LGSN: variants seen among roughly 807,000 people sequenced by gnomAD.
LGSN encodes the protein lengsin.
In LGSN, 21 loss-of-function variants were observed where a neutral mutation model predicts 19.5. That is an observed-to-expected ratio of 1.07 (90% CI 0.76 to 1.55). The LOEUF is 1.55. Among genes scored for constraint, LGSN ranks in the 40% most tolerant of loss-of-function variants. The probability of loss-of-function intolerance (pLI) is 0.00; values close to 1 mark genes in which losing one functional copy is unlikely to be tolerated. For missense variants in LGSN, 673 were observed against 608.5 expected (o/e 1.11, Z -1.12); for synonymous variants, 257 against 215.6 (o/e 1.19, Z -1.68).
At position 63,276,425 on chromosome 6, in the gene LGSN, T is replaced by A. The variant is rs190437110; in HGVS notation, c.*3596A>T. ...TGTTTTAATTTCTAGTCTTAAAATA[T>A]TATCGCTTTTAATTTACATTTCTTA... On this transcript the variant is annotated 3_prime_UTR_variant, in exon 4 of 4. Coordinates refer to ENST00000370657, the MANE Select transcript of LGSN (RefSeq NM_016571.3). 2 of 152,342 alleles carry A rather than the reference T, an allele frequency of 1.3e-5. No individual in the cohort carries two copies. The highest frequency in any genetic ancestry group is 2.9e-5 in the Non-Finnish European group (2 of 68,022). 9.4% of individuals were successfully genotyped at this position (152,342 alleles called of 1,614,324 possible). A position where few individuals can be genotyped will look rare whatever the true frequency, so the allele number is the denominator to read the frequency against.
chr6:63,468,574 C>T, the LGSN span, among the ~76,000 whole-genome samples: 83 of 145,550 alleles, frequency 5.7e-4, no homozygotes, highest in South Asian at 4.7e-3. Context: ...ATTACAGGTG[C>T]GTGCCACCAC....
chr6:63,323,582 A>ACACACACACACACACACACG (rs1769146015), upstream of LGSN, among the ~76,000 whole-genome samples: 4 of 150,810 alleles, frequency 2.7e-5, no homozygotes, highest in Admixed American at 6.6e-5. Flanking sequence ...ACACACACAC[A>ACACACACACACACACACACG]CACACACACA....
At chr6:63,515,916 C>T in the LGSN span, among the ~76,000 whole-genome samples, 1 of 152,184 alleles carries the variant, frequency 6.6e-6, no homozygotes, top group Admixed American at 6.5e-5. Context: ...AAATGTAATA[C>T]TTTCCAAATA....
At chr6:63,570,741 C>T in the LGSN span, among the ~76,000 whole-genome samples, 9 of 152,196 alleles carry the variant, frequency 5.9e-5, no homozygotes, top group Non-Finnish European at 1.2e-4. Context: ...GAGTGGCTGA[C>T]TGAATATGTG....
chr6:63,303,923 A>G (rs1272943670), intron 1 of LGSN, among the ~76,000 whole-genome samples: 1 of 152,198 alleles, frequency 6.6e-6, no homozygotes, highest in Non-Finnish European at 1.5e-5. Flanking sequence ...AGCAGATGGC[A>G]TCCTAGACAT....
the LGSN span, among the ~76,000 whole-genome samples, chr6:63,532,937 A>C: frequency 6.6e-6 from 1 of 152,204 alleles, no homozygotes. Context: ...GGTATTACAT[A>C]CCCGATGTGA....
the LGSN span, among the ~76,000 whole-genome samples, chr6:63,343,735 T>C: frequency 6.6e-6 from 1 of 152,344 alleles, no homozygotes; most frequent in East Asian, 1.9e-4. Context: ...GGGATTTTGC[T>C]AATGCAACTA....
chr6:63,549,397 T>C, the LGSN span: 3 of 753,726 alleles, frequency 4.0e-6, no homozygotes, highest in East Asian at 7.4e-5. Context: ...AATGTCAAAA[T>C]TCTTAGGCCG....
At chr6:63,326,729 G>A in the LGSN span, among the ~76,000 whole-genome samples, 2,136 of 152,266 alleles carry the variant, frequency 0.014, 57 homozygotes, top group African/African-American at 0.048. Flanking sequence ...GGCCAGCAGC[G>A]CCTGCCGGCT....
chr6:63,477,708 T>A, the LGSN span, among the ~76,000 whole-genome samples: 1 of 133,178 alleles, frequency 7.5e-6, no homozygotes, highest in East Asian at 2.1e-4. Flanking sequence ...TTTTTTTTTT[T>A]TTTTTTGTAG....
chr6:63,403,959 T>TCC, the LGSN span, among the ~76,000 whole-genome samples: 1 of 152,038 alleles, frequency 6.6e-6, no homozygotes, highest in South Asian at 2.1e-4. Context: ...TCTCTCTCTC[T>TCC]CTCTCTCTCT....
the LGSN span, among the ~76,000 whole-genome samples, chr6:63,534,631 G>A: frequency 6.6e-6 from 1 of 152,040 alleles, no homozygotes; most frequent in Non-Finnish European, 1.5e-5. Context: ...AACGTAGCAA[G>A]ACACCATGTC....
the LGSN span, among the ~76,000 whole-genome samples, chr6:63,424,955 ACAATT>A: frequency 0.018 from 2,498 of 135,958 alleles, 213 homozygotes; most frequent in Admixed American, 0.16. Flanking sequence ...AGAAAAATAA[ACAATT>A]CAATTCCAGA....
At chr6:63,508,762 CA>C in the LGSN span, among the ~76,000 whole-genome samples, 2 of 151,130 alleles carry the variant, frequency 1.3e-5, no homozygotes, top group Non-Finnish European at 2.9e-5. Context: ...ACTAAAAAAA[CA>C]AAAAAATTAG....
At chr6:63,489,027 T>C in the LGSN span, among the ~76,000 whole-genome samples, 1 of 152,162 alleles carries the variant, frequency 6.6e-6, no homozygotes, top group South Asian at 2.1e-4. Flanking sequence ...ATATAGCAGA[T>C]ATCAAAGCAG....
the LGSN span, among the ~76,000 whole-genome samples, chr6:63,445,847 C>T: frequency 5.3e-5 from 8 of 152,286 alleles, no homozygotes; most frequent in East Asian, 7.7e-4. Context: ...ATTCATAACA[C>T]AGCCATAGTG....
chr6:63,403,745 G>C, the LGSN span, among the ~76,000 whole-genome samples: 2 of 152,048 alleles, frequency 1.3e-5, no homozygotes, highest in South Asian at 2.1e-4. Flanking sequence ...AAGGTTAATA[G>C]GACAATATTA....
At chr6:63,534,503 T>C in the LGSN span, among the ~76,000 whole-genome samples, 1 of 151,526 alleles carries the variant, frequency 6.6e-6, no homozygotes, top group Non-Finnish European at 1.5e-5. Flanking sequence ...AACTGGGGTC[T>C]AAGCCAATGC....
chr6:63,294,953 A>G lies in LGSN; in HGVS notation c.123T>C (p.Cys41=), dbSNP rs1767921104. ...TRKKVTKPYV[C]STEVGETDMS... ...TATCCGTTTCTCCCACTTCAGTTGA[A>G]CAAACATATGGTTTAGTGACTTTCT... The change falls in exon 2 of 4, where the codon TGT becomes TGC. Residue 41 remains cysteine (C), a synonymous_variant. Coordinates refer to ENST00000370657, the MANE Select transcript of LGSN (RefSeq NM_016571.3). 1.9e-6 allele frequency: 3 copies of G among 1,613,830 alleles called. No homozygotes were observed. The highest frequency in any genetic ancestry group is 2.7e-5 in the African/African-American group (2 of 74,918).
Sources: allele counts gnomAD v4.1 joint callset (sites outside exome capture counted in the v4.1 genomes callset), GRCh38; gene constraint gnomAD v4.1.1; transcripts MANE v1.5; gene names NCBI Gene and HGNC (gene_info 2026-07-23, HGNC 2026-07-21).